Variants in KRTAP10-11 observed in about 807,000 individuals in gnomAD.
KRTAP10-11 encodes keratin-associated protein 10-11.
For synonymous variants in KRTAP10-11, 188 were observed against 161.1 expected (o/e 1.17, Z -1.27); for missense variants, 401 against 378.8 (o/e 1.06, Z -0.49).
rs1984403282 is a variant in KRTAP10-11, at chr21:44,646,656, C to G, written c.198C>G (p.Ala66=). 1.1e-5 allele frequency: 17 copies of G among 1,613,818 alleles called. No homozygotes were observed. Among genetic ancestry groups the G allele is most frequent in the Non-Finnish European group, 1.4e-5 (16 of 1,179,974 alleles). The change falls in exon 1 of 1, where the codon GCC becomes GCG. Residue 66 remains alanine, a synonymous_variant. Transcript: ENST00000334670. ...PCCQAACEPS[A]CQSGCTSSCT... ...GCCAGGCGGCCTGTGAGCCCAGCGC[C>G]TGCCAATCAGGCTGCACCAGCTCCT...
rs375820221 is a variant in KRTAP10-11, at chr21:44,646,503, C to T, written c.45C>T (p.Asp15=). 5 of 1,613,038 alleles carry T rather than the reference C, an allele frequency of 3.1e-6. No homozygotes were observed. The highest frequency in any genetic ancestry group is 2.7e-5 in the African/African-American group (2 of 74,886). ...CTGTCTGCTCCAGCGCTTACTCCGA[C>T]TCCTGGCAGGTGGACGACTGCCCAG... ...TMSVCSSAYS[D]SWQVDDCPES... The change falls in exon 1 of 1, where the codon GAC becomes GAT. Residue 15 remains aspartate (D), a synonymous_variant. Coordinates refer to ENST00000334670, the MANE Select transcript of KRTAP10-11 (RefSeq NM_198692.3).
At position 44,647,366 on chromosome 21, in the gene KRTAP10-11, C is replaced by T. The variant is rs782770425; in HGVS notation, c.*11C>T. The T allele has an allele frequency of 5.0e-6, 8 of 1,611,064 alleles. No homozygotes were observed. The highest frequency in any genetic ancestry group is 2.7e-5 in the African/African-American group (2 of 74,910). On this transcript the variant is annotated 3_prime_UTR_variant, in exon 1 of 1. Transcript: ENST00000334670. ...AAGTCCAGCTGCTGAGTGCTCAATC[C>T]TTGTCTCCTGCTGACTGTGTCTTTG... is the stretch of plus-strand genomic sequence containing the variant.
chr21:44,647,163 CTCTGTGTCCCTCCTCT>C, the KRTAP10-11 span: 8 of 1,614,220 alleles, frequency 5.0e-6, no homozygotes, highest in East Asian at 2.2e-5. Flanking sequence ...GACCCTCCTC[CTCTGTGTCCCTCCTCT>C]GCCACCCCGT....
In KRTAP10-11 at chr21:44,647,036, GCTGCAAGACTGTCTA is replaced by G. The variant is rs2146241016; in HGVS notation, c.586_600del (p.Thr196_Lys200del). On this transcript the variant is annotated inframe_deletion, in exon 1 of 1. Transcript: ENST00000334670. The stretch of plus-strand genomic sequence containing the variant: ...CAGCAGGCCTGCTGCGTGCCTGTCT[GCTGCAAGACTGTCTA>G]CTGCAAGCCCATCTGCTGTGTGCCT... The G allele has an allele frequency of 1.2e-6, 2 of 1,613,298 alleles. No homozygotes were observed. Among genetic ancestry groups the G allele is most frequent in the East Asian group, 4.5e-5 (2 of 44,822 alleles).
rs587753805 is a variant in KRTAP10-11 at position 44,646,840 on chromosome 21, C to T, written c.382C>T (p.Arg128Trp). ...VCCGAASSCC[R>W]QSSCQPACCA... ...CTGTGGGGCTGCTTCTTCGTGCTGC[C>T]GGCAGTCTAGCTGCCAGCCAGCTTG... The change falls in exon 1 of 1, where the codon CGG becomes TGG. Residue 128 changes from arginine (R) to tryptophan (W), a missense_variant. Physicochemically the swap from Arg to Trp is moderately radical, Grantham distance 101 (BLOSUM62 -3). Coordinates refer to ENST00000334670, the MANE Select transcript of KRTAP10-11 (RefSeq NM_198692.3). 7.0e-5 allele frequency: 111 copies of T among 1,575,624 alleles called. No homozygotes were observed. The highest frequency in any genetic ancestry group is 8.2e-5 in the African/African-American group (6 of 73,440).
rs150246805 is a variant in KRTAP10-11 at position 44,646,465 on chromosome 21, G to A, written c.7G>A (p.Ala3Thr). The A allele has an allele frequency of 2.8e-4, 453 of 1,606,906 alleles. 2 individuals carry two copies. The African/African-American group carries it at 4.7e-3, about 17-fold the overall frequency. MA[A>T]STMSVCSSAY... ...ACCTCCTCCCCACCCCAGCATGGCC[G>A]CGTCCACCATGTCTGTCTGCTCCAG... The change falls in exon 1 of 1, where the codon GCG becomes ACG. Residue 3 changes from alanine (A) to threonine (T), a missense_variant. By Grantham distance (58) the Ala-to-Thr change is moderately conservative. Coordinates refer to ENST00000334670, the MANE Select transcript of KRTAP10-11 (RefSeq NM_198692.3).
Position 44,647,407 on chromosome 21 carries a change from C to A in KRTAP10-11, c.*52C>A, listed in dbSNP as rs782689216. 43 of 1,581,946 alleles carry A rather than the reference C, an allele frequency of 2.7e-5. No homozygotes were observed. In the East Asian group the frequency reaches 9.2e-4, roughly 34 times the overall value. On this transcript the variant is annotated 3_prime_UTR_variant, in exon 1 of 1. Coordinates refer to ENST00000334670, the MANE Select transcript of KRTAP10-11 (RefSeq NM_198692.3). Reference sequence around the variant, plus strand: ...TGTGTCTTTGCTGCCAAGCAGGATTCTCCAGTCTCAGGAGCCCCTGGAGTC... The same window carrying A: ...TGTGTCTTTGCTGCCAAGCAGGATTATCCAGTCTCAGGAGCCCCTGGAGTC...
Position 44,647,184 on chromosome 21 carries a change from C to T in KRTAP10-11, c.726C>T (p.His242=), listed in dbSNP as rs782429833. The part of the protein sequence containing the change: ...RPSSSVSLLC[H]PVCRSTCCVP... ...CCTCCTCTGTGTCCCTCCTCTGCCACCCCGTGTGCAGGTCCACCTGCTGTG... is the reference window on the plus strand; with the variant it reads ...CCTCCTCTGTGTCCCTCCTCTGCCATCCCGTGTGCAGGTCCACCTGCTGTG... The change falls in exon 1 of 1, where the codon CAC becomes CAT. Residue 242 remains histidine (H), a synonymous_variant. Coordinates refer to ENST00000334670, the MANE Select transcript of KRTAP10-11 (RefSeq NM_198692.3). 1.9e-6 allele frequency: 3 copies of T among 1,613,820 alleles called. No individual in the cohort carries two copies. Among genetic ancestry groups the T allele is most frequent in the South Asian group, 1.1e-5 (1 of 91,054 alleles).
At position 44,646,774 on chromosome 21, in the gene KRTAP10-11, A is replaced by G. The variant is rs1673369624; in HGVS notation, c.316A>G (p.Lys106Glu). Residue 106 changes from lysine to glutamate, a missense_variant, in exon 1 of 1, where the codon AAG (lysine) becomes GAG (glutamate). Physicochemically the swap from Lys to Glu is moderately conservative, Grantham distance 56 (BLOSUM62 1). Coordinates refer to ENST00000334670, the MANE Select transcript of KRTAP10-11 (RefSeq NM_198692.3). ...GGCCTGCTGTGTGCCTGTCTGCTGCAAGACTGTCTGCTGCAAGCCTGTGTG... is the reference window on the plus strand; with the variant it reads ...GGCCTGCTGTGTGCCTGTCTGCTGCGAGACTGTCTGCTGCAAGCCTGTGTG... ...QQACCVPVCC[K>E]TVCCKPVCCV... The G allele has an allele frequency of 6.2e-7, 1 of 1,612,776 alleles. No homozygotes were observed. Among genetic ancestry groups the G allele is most frequent in the Non-Finnish European group, 8.5e-7 (1 of 1,179,592 alleles).
Position 44,646,483 on chromosome 21 carries a change from T to A in KRTAP10-11, c.25T>A (p.Cys9Ser). The A allele has an allele frequency of 6.2e-7, 1 of 1,612,852 alleles. No individual in the cohort carries two copies. The highest frequency in any genetic ancestry group is 1.7e-5 in the Admixed American group (1 of 60,000). The change falls in exon 1 of 1, where the codon TGC becomes AGC. Residue 9 changes from cysteine (C) to serine (S), a missense_variant. By Grantham distance (112) the Cys-to-Ser change is moderately radical. Transcript: ENST00000334670. ...CATGGCCGCGTCCACCATGTCTGTC[T>A]GCTCCAGCGCTTACTCCGACTCCTG... MAASTMSV[C>S]SSAYSDSWQV... is the part of the protein sequence containing the mutation.
rs1396191461 is a variant in KRTAP10-11, at chr21:44,647,490, A to G, written c.*135A>G. On this transcript the variant is annotated 3_prime_UTR_variant, in exon 1 of 1. Transcript: ENST00000334670. The stretch of plus-strand genomic sequence containing the variant: ...GAGCTGCTGCCTGAAGGGGATTTTG[A>G]GCGCGTCACACTTTCCTCCCCACTG... 9.4e-7 allele frequency: 1 copy of G among 1,059,038 alleles called. No individual in the cohort carries two copies. Among genetic ancestry groups the G allele is most frequent in the Non-Finnish European group, 1.4e-6 (1 of 737,686 alleles). 65.6% of individuals were successfully genotyped at this position (1,059,038 alleles called of 1,614,324 possible).
At position 44,647,576 on chromosome 21, in the gene KRTAP10-11, T is replaced by G. The variant is rs1361499938; in HGVS notation, c.*221T>G. On this transcript the variant is annotated 3_prime_UTR_variant, in exon 1 of 1. Coordinates refer to ENST00000334670, the MANE Select transcript of KRTAP10-11 (RefSeq NM_198692.3). Reference sequence around the variant, plus strand: ...TGGACTGTGGCTTTCTGGAGCCCCCTTCTCCAAATGTGTTGCTTATACCCA... The same window carrying G: ...TGGACTGTGGCTTTCTGGAGCCCCCGTCTCCAAATGTGTTGCTTATACCCA... The G allele has an allele frequency of 1.3e-5, 8 of 618,188 alleles. No homozygotes were observed. Among genetic ancestry groups the G allele is most frequent in the Non-Finnish European group, 2.3e-5 (8 of 344,636 alleles). 38.3% of individuals were successfully genotyped at this position (618,188 alleles called of 1,614,324 possible). A position where few individuals can be genotyped will look rare whatever the true frequency, so the allele number is the denominator to read the frequency against.
chr21:44,646,688 C>T lies in KRTAP10-11; in HGVS notation c.230C>T (p.Pro77Leu), dbSNP rs201567689. ...CQSGCTSSCT[P>L]SCCQQSSCQP... ...TCAGGCTGCACCAGCTCCTGCACGC[C>T]GTCATGCTGCCAGCAGTCTAGCTGC... The change falls in exon 1 of 1, where the codon CCG becomes CTG. Residue 77 changes from proline (P) to leucine (L), a missense_variant. Coordinates refer to ENST00000334670, the MANE Select transcript of KRTAP10-11 (RefSeq NM_198692.3). 148 of 1,614,160 alleles carry T rather than the reference C, an allele frequency of 9.2e-5. 1 individual carries two copies. The Admixed American group carries it at 1.4e-3, about 15-fold the overall frequency.
chr21:44,646,787 G>A lies in KRTAP10-11; in HGVS notation c.329G>A (p.Cys110Tyr). Residue 110 changes from cysteine (C) to tyrosine (Y), a missense_variant, in exon 1 of 1, where the codon TGC (cysteine) becomes TAC (tyrosine). By Grantham distance (194) the Cys-to-Tyr change is radical (BLOSUM62 -2). Coordinates refer to ENST00000334670, the MANE Select transcript of KRTAP10-11 (RefSeq NM_198692.3). Reference protein sequence around the residue: ...CVPVCCKTVCCKPVCCVPVCC... With the variant: ...CVPVCCKTVCYKPVCCVPVCC... ...CCTGTCTGCTGCAAGACTGTCTGCT[G>A]CAAGCCTGTGTGCTGTGTGCCTGTC... 3 of 1,613,408 alleles carry A rather than the reference G, an allele frequency of 1.9e-6. No individual in the cohort carries two copies. The highest frequency in any genetic ancestry group is 2.5e-6 in the Non-Finnish European group (3 of 1,179,790).
In KRTAP10-11 at chr21:44,646,946, A is replaced by T; in HGVS notation, c.488A>T (p.Glu163Val). Residue 163 changes from glutamate to valine, a missense_variant, in exon 1 of 1, where the codon GAG becomes GTG. Physicochemically the swap from Glu to Val is moderately radical, Grantham distance 121. Transcript: ENST00000334670. ...GTGTGCTGTGTGTCCACCTGCTCTG[A>T]GGATTCCTCTTCATGCTGCCAGCAG... ...KPVCCVSTCS[E>V]DSSSCCQQSS... 6.3e-7 allele frequency: 1 copy of T among 1,596,754 alleles called. No individual in the cohort carries two copies. The highest frequency in any genetic ancestry group is 8.5e-7 in the Non-Finnish European group (1 of 1,176,206).
chr21:44,647,355 A>G lies in KRTAP10-11; in HGVS notation c.897A>G (p.Ter299TrpextTer41), dbSNP rs1321637581. The change falls in exon 1 of 1, where the codon TGA (stop) becomes TGG (tryptophan). Residue 299 changes from the stop codon to tryptophan, a stop_lost. Transcript: ENST00000334670. ...GCTCAGGCAAGAAGTCCAGCTGCTG[A>G]GTGCTCAATCCTTGTCTCCTGCTGA... ...SLCSGKKSSC[*>W] 3 of 1,613,252 alleles carry G rather than the reference A, an allele frequency of 1.9e-6. No homozygotes were observed. Among genetic ancestry groups the G allele is most frequent in the Non-Finnish European group, 2.5e-6 (3 of 1,179,462 alleles).
Position 44,646,654 on chromosome 21 carries a change from G to A in KRTAP10-11, c.196G>A (p.Ala66Thr), listed in dbSNP as rs368146868. ...CTGCCAGGCGGCCTGTGAGCCCAGC[G>A]CCTGCCAATCAGGCTGCACCAGCTC... ...PCCQAACEPS[A>T]CQSGCTSSCT... Residue 66 changes from alanine to threonine, a missense_variant, in exon 1 of 1, where the codon GCC (alanine) becomes ACC (threonine). Ala to Thr is a moderately conservative substitution (Grantham distance 58). Coordinates refer to ENST00000334670, the MANE Select transcript of KRTAP10-11 (RefSeq NM_198692.3). The A allele has an allele frequency of 1.2e-5, 19 of 1,613,510 alleles. No homozygotes were observed. In the Middle Eastern group the frequency reaches 5.2e-4, roughly 44 times the overall value.
At chr21:44,646,770 C>A in the KRTAP10-11 span, 4 of 1,613,730 alleles carry the variant, frequency 2.5e-6, no homozygotes, top group Non-Finnish European at 3.4e-6. Context: ...TGCCTGTCTG[C>A]TGCAAGACTG....
Position 44,647,169 on chromosome 21 carries a change from G to A in KRTAP10-11, c.711G>A (p.Val237=). ...CCTGCTGCAGACCCTCCTCCTCTGT[G>A]TCCCTCCTCTGCCACCCCGTGTGCA... is the stretch of plus-strand genomic sequence containing the variant. ...TTSCCRPSSS[V]SLLCHPVCRS... The change falls in exon 1 of 1, where the codon GTG becomes GTA. Residue 237 remains valine (V), a synonymous_variant. Transcript: ENST00000334670. 2 of 1,613,794 alleles carry A rather than the reference G, an allele frequency of 1.2e-6. No homozygotes were observed. Among genetic ancestry groups the A allele is most frequent in the Non-Finnish European group, 1.7e-6 (2 of 1,179,928 alleles).
Sources: gnomAD v4.1 joint callset for allele counts on GRCh38, gnomAD v4.1.1 for gene constraint, MANE v1.5 for transcripts, NCBI Gene and HGNC (gene_info 2026-07-23, HGNC 2026-07-21) for gene names.